Variants in CELF2 observed in about 807,000 individuals in gnomAD.
The protein encoded by CELF2 is CUGBP Elav-like family member 2.
CELF2 carries 8 observed loss-of-function variants against 62.6 expected under a neutral mutation model. That is an observed-to-expected ratio of 0.13 (90% CI 0.07 to 0.23). CELF2 has a LOEUF of 0.23. CELF2 is among the 10% of genes least tolerant of loss of function. CELF2 has a pLI of 1.00. For missense variants in CELF2, 333 were observed against 671.0 expected (o/e 0.50, Z 5.56); for synonymous variants, 258 against 250.0 (o/e 1.03, Z -0.30).
In CELF2 at chr10:10,904,227, A is replaced by AT. The variant is rs1357297753; in HGVS notation, c.54-15737_54-15736insT. ...ATGCCTTGTAATTCTATCCATTTTT[A>AT]ATTTTTTTTTTTGTTTAGAGACAGG... On this transcript the variant is annotated intron_variant, in intron 1 of 13. Coordinates refer to the CELF2 transcript ENST00000636488. 9.6e-5 allele frequency among the ~76,000 whole-genome samples: 4 copies of AT among 41,634 alleles called. No individual in the cohort carries two copies. In the South Asian group the frequency reaches 5.5e-3, roughly 58 times the overall value. 27.3% of individuals were successfully genotyped at this position (41,634 alleles called of 152,430 possible). A position where few individuals can be genotyped will look rare whatever the true frequency, so the allele number is the denominator to read the frequency against.
chr10:10,678,726 C>A, the CELF2 span, among the ~76,000 whole-genome samples: 1 of 152,146 alleles, frequency 6.6e-6, no homozygotes, highest in African/African-American at 2.4e-5. Flanking sequence ...ACAGCATTCC[C>A]AGAACTTGGA....
the CELF2 span, among the ~76,000 whole-genome samples, chr10:10,467,424 G>A: frequency 6.6e-6 from 1 of 151,964 alleles, no homozygotes; most frequent in Non-Finnish European, 1.5e-5. Context: ...TCTGGGATCT[G>A]TACCATGGAT....
chr10:10,624,651 T>A, the CELF2 span, among the ~76,000 whole-genome samples: 1 of 152,156 alleles, frequency 6.6e-6, no homozygotes, highest in Non-Finnish European at 1.5e-5. Context: ...CGATTATATA[T>A]GTTGATTGCA....
intron 1 of CELF2, among the ~76,000 whole-genome samples, chr10:10,853,310 C>G (rs909459186): frequency 6.6e-6 from 1 of 152,064 alleles, no homozygotes; most frequent in Non-Finnish European, 1.5e-5. Flanking sequence ...TTTGTCATGT[C>G]TAGGATTCTT....
intron 1 of CELF2, among the ~76,000 whole-genome samples, chr10:10,901,343 AAAC>A (rs1195546222): frequency 6.6e-6 from 1 of 152,222 alleles, no homozygotes; most frequent in East Asian, 1.9e-4. Context: ...ACAGAATAGA[AAAC>A]CTACATATAT....
At chr10:10,988,246 G>T (rs965291116) in intron 2 of CELF2, among the ~76,000 whole-genome samples, 8 of 149,996 alleles carry the variant, frequency 5.3e-5, no homozygotes, top group Admixed American at 2.0e-4. Flanking sequence ...TAGATATATA[G>T]ATATACACAC....
chr10:10,465,498 A>G, the CELF2 span, among the ~76,000 whole-genome samples: 1 of 151,998 alleles, frequency 6.6e-6, no homozygotes, highest in African/African-American at 2.4e-5. Flanking sequence ...CATGTTTTCT[A>G]TTTCCTGTGT....
At chr10:10,736,291 G>T in the CELF2 span, among the ~76,000 whole-genome samples, 1 of 151,778 alleles carries the variant, frequency 6.6e-6, no homozygotes, top group Admixed American at 6.6e-5. Context: ...CTCTAGCTTA[G>T]GTGTTTTGGT....
the CELF2 span, among the ~76,000 whole-genome samples, chr10:10,486,242 C>A: frequency 6.6e-6 from 1 of 152,158 alleles, no homozygotes; most frequent in East Asian, 1.9e-4. Context: ...AATACAAACA[C>A]CAGTAAAGAA....
rs184197819 is a variant in CELF2, at chr10:10,925,520, T to A, written c.89+5521T>A. ...AAGTGGTTCAGTGGCATGAAGAAGG[T>A]ACCGATCATCCCAGTGCTATGGGAA... On this transcript the variant is annotated intron_variant, in intron 2 of 13. Coordinates refer to the CELF2 transcript ENST00000636488. Among the ~76,000 whole-genome samples the A allele has an allele frequency of 2.7e-4, 41 of 152,154 alleles. No homozygotes were observed. The East Asian group carries it at 5.8e-3, about 22-fold the overall frequency.
chr10:10,638,101 C>T, the CELF2 span, among the ~76,000 whole-genome samples: 5 of 152,150 alleles, frequency 3.3e-5, no homozygotes, highest in African/African-American at 1.2e-4. Flanking sequence ...GTGAACATTG[C>T]TGCCAGTGTC....
At chr10:10,562,268 A>G in the CELF2 span, among the ~76,000 whole-genome samples, 1 of 152,216 alleles carries the variant, frequency 6.6e-6, no homozygotes. Flanking sequence ...GATTCTCCAC[A>G]TAAAACTGTG....
In CELF2 at chr10:11,324,767, C is replaced by G. The variant is rs2095634029; in HGVS notation, c.1295-1069C>G. Among the ~76,000 whole-genome samples, 1 of 152,198 alleles carries G rather than the reference C, an allele frequency of 6.6e-6. No homozygotes were observed. The highest frequency in any genetic ancestry group is 2.4e-5 in the African/African-American group (1 of 41,440). On this transcript the variant is annotated intron_variant, in intron 11 of 12. Coordinates refer to ENST00000633077, the MANE Select transcript of CELF2 (RefSeq NM_001326342.2). This position sits in a 1 kb window ranked among gnomAD's most constrained non-coding sequence, Gnocchi z 4.7. ...TACTTTTCTTCATGCCACACAGACA[C>G]CCTTCCCACATCTAGGGACCCCAGT...
At chr10:10,797,474 T>C (rs1042617201), upstream of CELF2, among the ~76,000 whole-genome samples, 11 of 152,194 alleles carry the variant, frequency 7.2e-5, no homozygotes, top group Admixed American at 6.5e-4. Flanking sequence ...ATTTTAGTTA[T>C]TCCCTGCATT....
the CELF2 span, among the ~76,000 whole-genome samples, chr10:10,768,228 C>A: frequency 6.6e-6 from 1 of 151,842 alleles, no homozygotes; most frequent in East Asian, 1.9e-4. Context: ...AACATTTGCC[C>A]CATGAGCTGG....
the CELF2 span, among the ~76,000 whole-genome samples, chr10:10,700,688 C>A: frequency 1.3e-5 from 2 of 152,218 alleles, no homozygotes; most frequent in African/African-American, 4.8e-5. Flanking sequence ...ATTGACTGCC[C>A]CTTGGCTACC....
intron 1 of CELF2, among the ~76,000 whole-genome samples, chr10:10,802,844 C>T (rs1021420593): frequency 1.1e-4 from 16 of 152,174 alleles, no homozygotes; most frequent in African/African-American, 3.6e-4. Flanking sequence ...AGCTTTCAGA[C>T]AGCTCAGTCC....
the CELF2 span, among the ~76,000 whole-genome samples, chr10:10,636,674 C>G: frequency 6.6e-6 from 1 of 152,148 alleles, no homozygotes; most frequent in Non-Finnish European, 1.5e-5. Context: ...GTCAGTTTCT[C>G]TTTGATTTCT....
At chr10:10,599,840 T>G in the CELF2 span, among the ~76,000 whole-genome samples, 1 of 151,478 alleles carries the variant, frequency 6.6e-6, no homozygotes, top group South Asian at 2.1e-4. Flanking sequence ...CACGCCATTC[T>G]CCTGCCTCAG....
Sources: allele counts gnomAD v4.1 joint callset (sites outside exome capture counted in the v4.1 genomes callset), GRCh38; gene constraint gnomAD v4.1.1; non-coding constraint Gnocchi (gnomAD v3.1); transcripts MANE v1.5; gene names NCBI Gene and HGNC (gene_info 2026-07-23, HGNC 2026-07-21).